The following ADCY3 variants were observed in gnomAD, a reference collection of about 807,000 sequenced individuals.
ADCY3 encodes the protein adenylate cyclase 3.
A neutral mutation model predicts 119.4 loss-of-function variants in ADCY3; 70 were observed. The ratio of observed to expected loss-of-function variants is 0.59; its 90% confidence interval spans 0.48 to 0.72. The LOEUF is 0.72. Among genes scored for constraint, ADCY3 ranks in the 30% least tolerant of loss-of-function variants. The pLI is 0.00. For missense variants in ADCY3, 1,238 were observed against 1,541.6 expected, an observed-to-expected ratio of 0.80 and a Z score of 3.30; for synonymous variants, 672 against 621.4, an observed-to-expected ratio of 1.08 and a Z score of -1.21.
At chr2:24,833,206 C>T (rs1024770743) in intron 11 of ADCY3, among the ~76,000 whole-genome samples, 2 of 152,182 alleles carry the variant, frequency 1.3e-5, no homozygotes, top group Non-Finnish European at 1.5e-5. Flanking sequence ...CTTGTTCTGG[C>T]GGCCTCCTGT....
intron 2 of ADCY3, among the ~76,000 whole-genome samples, chr2:24,901,570 C>T (rs1558516368): frequency 6.6e-6 from 1 of 152,100 alleles, no homozygotes; most frequent in Admixed American, 6.5e-5. Flanking sequence ...GGATTCTGTA[C>T]CCAGGTTCCT....
chr2:24,841,609 C>G lies in ADCY3; in HGVS notation c.1015G>C (p.Glu339Gln), dbSNP rs1156607108. The G allele has an allele frequency of 6.2e-7, 1 of 1,613,682 alleles. No individual in the cohort carries two copies. The highest frequency in any genetic ancestry group is 1.7e-5 in the Admixed American group (1 of 60,006). ...TQLSSACSAQ[E>Q]LVKLLNELFA... is the part of the protein sequence containing the mutation. Reference sequence around the variant, plus strand: ...AGCTCGTTGAGCAGCTTCACAAGCTCCTGGGCACTGCAGGCAGAAGACAGC... The same window carrying G: ...AGCTCGTTGAGCAGCTTCACAAGCTGCTGGGCACTGCAGGCAGAAGACAGC... The change falls in exon 5 of 22, where the codon GAG becomes CAG. Residue 339 changes from glutamate (E) to glutamine (Q), a missense_variant. Glu to Gln is a conservative substitution (Grantham distance 29). Coordinates refer to ENST00000679454, the MANE Select transcript of ADCY3 (RefSeq NM_004036.5). The surrounding 1 kb of genome is among the most constrained non-coding windows in gnomAD (Gnocchi z 5.8).
At chr2:24,891,282 G>T (rs1677624341) in intron 2 of ADCY3, among the ~76,000 whole-genome samples, 1 of 152,168 alleles carries the variant, frequency 6.6e-6, no homozygotes, top group Non-Finnish European at 1.5e-5. Flanking sequence ...AAAAATTTAA[G>T]AAATAAATAA....
intron 3 of ADCY3, among the ~76,000 whole-genome samples, chr2:24,870,157 T>A (rs866053284): frequency 6.5e-4 from 91 of 141,008 alleles, no homozygotes; most frequent in Admixed American, 1.1e-3. Flanking sequence ...ACTAAAAATA[T>A]AAAAAAAAAA....
chr2:24,826,145 G>A lies in ADCY3; in HGVS notation c.2496-19C>T, dbSNP rs762772909. ...GGGCAGCCTGCTGGGCAGAGCGTGT[G>A]CAACTGAAAGGGCTGTCATCTGCCT... is the stretch of plus-strand genomic sequence containing the variant. On this transcript the variant is annotated intron_variant, in intron 15 of 21. Coordinates refer to ENST00000679454, the MANE Select transcript of ADCY3 (RefSeq NM_004036.5). The A allele has an allele frequency of 6.2e-7, 1 of 1,610,866 alleles. No homozygotes were observed. The highest frequency in any genetic ancestry group is 8.5e-7 in the Non-Finnish European group (1 of 1,177,368).
intron 13 of ADCY3, among the ~76,000 whole-genome samples, chr2:24,829,202 A>G (rs1052539408): frequency 9.2e-5 from 14 of 151,690 alleles, no homozygotes; most frequent in Admixed American, 4.6e-4. Context: ...TTTTTAGTAG[A>G]GACGGGGTTT....
chr2:24,900,496 A>G (rs1312015970), intron 2 of ADCY3, among the ~76,000 whole-genome samples: 2 of 152,132 alleles, frequency 1.3e-5, no homozygotes, highest in Non-Finnish European at 2.9e-5. Flanking sequence ...TTCTACCTGC[A>G]GTGTTTGTGT....
chr2:24,859,234 A>G (rs1028293326), intron 3 of ADCY3, among the ~76,000 whole-genome samples: 1 of 152,232 alleles, frequency 6.6e-6, no homozygotes, highest in African/African-American at 2.4e-5. Context: ...CCATTACATT[A>G]GACGCGGAGA....
chr2:24,834,424 C>A lies in ADCY3; in HGVS notation c.1967+61G>T. On this transcript the variant is annotated intron_variant, in intron 11 of 21. Transcript: ENST00000679454. This position sits in a 1 kb window ranked among gnomAD's most constrained non-coding sequence, Gnocchi z 4.2. The stretch of plus-strand genomic sequence containing the variant: ...GCTCCCGCTGAGACACCTGCCCCCG[C>A]CCCCCGCCCGGCACCACCGCAGCCG... 1 of 931,566 alleles carries A rather than the reference C, an allele frequency of 1.1e-6. No homozygotes were observed. Among genetic ancestry groups the A allele is most frequent in the South Asian group, 1.5e-5 (1 of 68,240 alleles). 57.7% of individuals were successfully genotyped at this position (931,566 alleles called of 1,614,324 possible).
intron 3 of ADCY3, among the ~76,000 whole-genome samples, chr2:24,870,013 C>T (rs1674776160): frequency 6.6e-6 from 1 of 151,824 alleles, no homozygotes; most frequent in South Asian, 2.1e-4. Flanking sequence ...CCTTCTTACC[C>T]TTAAAACAAT....
chr2:24,830,033 A>C (rs1030366522), intron 13 of ADCY3, among the ~76,000 whole-genome samples: 2 of 147,250 alleles, frequency 1.4e-5, no homozygotes, highest in Non-Finnish European at 3.0e-5. Flanking sequence ...GACCTAGAGC[A>C]AGTGAATTAC....
intron 2 of ADCY3, among the ~76,000 whole-genome samples, chr2:24,892,580 G>T (rs1677795528): frequency 6.6e-6 from 1 of 152,100 alleles, no homozygotes; most frequent in African/African-American, 2.4e-5. Context: ...TTTGTAACAG[G>T]TTGTGTGTCT....
At chr2:24,890,016 G>A (rs1865687) in intron 2 of ADCY3, among the ~76,000 whole-genome samples, 71,078 of 152,060 alleles carry the variant, frequency 0.47, 19,608 homozygotes, top group African/African-American at 0.78. Context: ...CTAGTTTGCT[G>A]AGAGGTATTA....
In ADCY3 at chr2:24,826,008, G is replaced by C. The variant is rs376025484; in HGVS notation, c.2577+37C>G. The C allele has an allele frequency of 4.0e-5, 64 of 1,595,970 alleles. No individual in the cohort carries two copies. The African/African-American group carries it at 8.0e-4, about 20-fold the overall frequency. The stretch of plus-strand genomic sequence containing the variant: ...TGCTTCTCAGGAGGCCCTGTGGGCT[G>C]TGGGCACAGAGCGGGGATCGTGCAG... On this transcript the variant is annotated intron_variant, in intron 16 of 21. Coordinates refer to ENST00000679454, the MANE Select transcript of ADCY3 (RefSeq NM_004036.5).
Position 24,826,146 on chromosome 2 carries a change from C to T in ADCY3, c.2496-20G>A, listed in dbSNP as rs772148641. The T allele has an allele frequency of 6.2e-7, 1 of 1,610,872 alleles. No individual in the cohort carries two copies. The highest frequency in any genetic ancestry group is 1.7e-5 in the Admixed American group (1 of 59,912). On this transcript the variant is annotated intron_variant, in intron 15 of 21. Transcript: ENST00000679454. The stretch of plus-strand genomic sequence containing the variant: ...GGCAGCCTGCTGGGCAGAGCGTGTG[C>T]AACTGAAAGGGCTGTCATCTGCCTC...
intron 17 of ADCY3, among the ~76,000 whole-genome samples, chr2:24,823,690 CTTT>C (rs11308691): frequency 9.8e-5 from 13 of 132,614 alleles, no homozygotes; most frequent in Non-Finnish European, 9.5e-5. Context: ...CTCATCGCTA[CTTT>C]TTTTTTTTTT....
chr2:24,914,970 C>T (rs1210806459), intron 2 of ADCY3, among the ~76,000 whole-genome samples: 4 of 152,208 alleles, frequency 2.6e-5, no homozygotes, highest in African/African-American at 4.8e-5. Context: ...TGGCCTCCTG[C>T]GAGGAGCCCA....
chr2:24,890,607 A>G (rs1210606783), intron 2 of ADCY3, among the ~76,000 whole-genome samples: 1 of 152,142 alleles, frequency 6.6e-6, no homozygotes, highest in Non-Finnish European at 1.5e-5. Context: ...ACATCATCTT[A>G]TGACTCTCTG....
intron 3 of ADCY3, among the ~76,000 whole-genome samples, chr2:24,870,724 T>C (rs1378842214): frequency 6.6e-6 from 1 of 152,124 alleles, no homozygotes; most frequent in Non-Finnish European, 1.5e-5. Context: ...GCACTGACCC[T>C]GCCCAGAGGA....
Sources: allele counts gnomAD v4.1 joint callset (sites outside exome capture counted in the v4.1 genomes callset), GRCh38; gene constraint gnomAD v4.1.1; non-coding constraint Gnocchi (gnomAD v3.1); transcripts MANE v1.5; gene names NCBI Gene and HGNC (gene_info 2026-07-23, HGNC 2026-07-21).